The following RBFOX3 variants were observed in gnomAD, a reference collection of about 807,000 sequenced individuals.
The protein encoded by RBFOX3 is RNA binding protein fox-1 homolog 3.
Under a neutral mutation model 48.7 loss-of-function variants are expected in RBFOX3, and 17 were observed. The observed-to-expected ratio is 0.35, with a 90% confidence interval of 0.24 to 0.52. The LOEUF (loss-of-function observed/expected upper bound fraction) is 0.52. RBFOX3 is among the 20% of genes least tolerant of loss of function. RBFOX3 has a pLI of 0.94. For synonymous variants in RBFOX3, 212 were observed against 209.5 expected (o/e 1.01, Z -0.10); for missense variants, 382 against 497.5 (o/e 0.77, Z 2.21).
intron 1 of RBFOX3, among the ~76,000 whole-genome samples, chr17:79,545,797 G>A (rs367902280): frequency 5.9e-5 from 9 of 152,304 alleles, no homozygotes; most frequent in African/African-American, 1.9e-4. Context: ...CCACCAGGAC[G>A]GTTCCAGACA....
In RBFOX3 at chr17:79,230,421, G is replaced by A. The variant is rs149760555; in HGVS notation, c.-34+5345C>T. Among the ~76,000 whole-genome samples, 328 of 151,796 alleles carry A rather than the reference G, an allele frequency of 2.2e-3. 2 individuals carry two copies. Among genetic ancestry groups the A allele is most frequent in the African/African-American group, 6.2e-3 (255 of 41,404 alleles). ...ACTACAGTCACCCGCCACCATACCCGGCTAATTTTTTGTATTTTTAGTAGA... is the reference window on the plus strand; with the variant it reads ...ACTACAGTCACCCGCCACCATACCCAGCTAATTTTTTGTATTTTTAGTAGA... On this transcript the variant is annotated intron_variant, in intron 4 of 14. Transcript: ENST00000693108.
intron 2 of RBFOX3, among the ~76,000 whole-genome samples, chr17:79,420,337 A>G (rs2066104002): frequency 1.3e-5 from 2 of 152,304 alleles, no homozygotes; most frequent in South Asian, 2.1e-4. Context: ...TTGTTTATCT[A>G]CAAGTTTCTC....
intron 2 of RBFOX3, among the ~76,000 whole-genome samples, chr17:79,399,799 C>T (rs746659153): frequency 7.9e-5 from 12 of 152,222 alleles, no homozygotes; most frequent in African/African-American, 2.4e-5. Context: ...GACCCTCGGG[C>T]GCTCCCGTCT....
intron 9 of RBFOX3, among the ~76,000 whole-genome samples, chr17:79,100,638 G>T (rs1469515047): frequency 6.6e-6 from 1 of 152,178 alleles, no homozygotes; most frequent in Non-Finnish European, 1.5e-5. Context: ...AAAGTCCACG[G>T]CAACAGGGAG....
At chr17:79,498,092 C>T (rs906075194) in intron 1 of RBFOX3, among the ~76,000 whole-genome samples, 2 of 152,206 alleles carry the variant, frequency 1.3e-5, no homozygotes. Context: ...TTCTGACCAC[C>T]GCTTGCCCTG....
intron 4 of RBFOX3, among the ~76,000 whole-genome samples, chr17:79,149,890 G>C (rs2043937066): frequency 6.7e-6 from 1 of 148,414 alleles, no homozygotes; most frequent in African/African-American, 2.5e-5. Context: ...AGACAGGAGG[G>C]GGACAGGTGT....
Position 79,198,197 on chromosome 17 carries a change from C to T in RBFOX3, c.-34+37569G>A, listed in dbSNP as rs890859837. Among the ~76,000 whole-genome samples the T allele has an allele frequency of 6.6e-6, 1 of 152,124 alleles. No individual in the cohort carries two copies. Among genetic ancestry groups the T allele is most frequent in the African/African-American group, 2.4e-5 (1 of 41,414 alleles). On this transcript the variant is annotated intron_variant, in intron 4 of 14. Coordinates refer to ENST00000693108, the MANE Select transcript of RBFOX3 (RefSeq NM_001350451.2). The surrounding 1 kb of genome is among the most constrained non-coding windows in gnomAD (Gnocchi z 8.2). ...TGCTACGGTTGCATCGCTGGACCAT[C>T]CTCAACACTGGACCAGACCAGAAGG...
intron 2 of RBFOX3, among the ~76,000 whole-genome samples, chr17:79,457,716 G>A (rs1315113088): frequency 6.6e-6 from 1 of 152,236 alleles, no homozygotes; most frequent in Admixed American, 6.5e-5. Flanking sequence ...TCCCCGCGAT[G>A]TCCCTGCACA....
intron 2 of RBFOX3, among the ~76,000 whole-genome samples, chr17:79,455,673 C>T (rs1246085112): frequency 3.3e-5 from 5 of 152,170 alleles, no homozygotes; most frequent in Non-Finnish European, 7.4e-5. Context: ...ACACACACTT[C>T]CACAATCACA....
chr17:79,259,950 A>G (rs2065481720), intron 3 of RBFOX3, among the ~76,000 whole-genome samples: 1 of 152,022 alleles, frequency 6.6e-6, no homozygotes, highest in South Asian at 2.1e-4. Context: ...ATGTGAATCC[A>G]GTCAGGTGGG....
intron 4 of RBFOX3, among the ~76,000 whole-genome samples, chr17:79,211,958 G>A (rs1489469416): frequency 1.3e-5 from 2 of 152,116 alleles, no homozygotes; most frequent in Non-Finnish European, 2.9e-5. Context: ...TGAGACCCCT[G>A]CCCACAAGGA....
intron 2 of RBFOX3, among the ~76,000 whole-genome samples, chr17:79,401,204 C>T (rs894054710): frequency 5.9e-5 from 9 of 152,190 alleles, no homozygotes; most frequent in South Asian, 2.1e-4. Flanking sequence ...ATAAGAACTT[C>T]GGGGCTCCGC....
intron 2 of RBFOX3, among the ~76,000 whole-genome samples, chr17:79,351,186 C>T (rs11870711): frequency 0.12 from 17,699 of 152,214 alleles, 1,144 homozygotes; most frequent in East Asian, 0.21. Context: ...TTTGCTTCTA[C>T]GCTTTGGCTG....
chr17:79,643,443 T>C, the RBFOX3 span, among the ~76,000 whole-genome samples: 90 of 152,338 alleles, frequency 5.9e-4, no homozygotes, highest in African/African-American at 2.1e-3. Context: ...TTTGTCCTAA[T>C]AGCCATTTAT....
intron 3 of RBFOX3, among the ~76,000 whole-genome samples, chr17:79,283,881 G>C (rs1355005349): frequency 6.6e-6 from 1 of 152,014 alleles, no homozygotes; most frequent in African/African-American, 2.4e-5. Context: ...GCCTGTTTCA[G>C]TACTTATAAA....
intron 1 of RBFOX3, among the ~76,000 whole-genome samples, chr17:79,574,533 G>C (rs946011317): frequency 0.038 from 5,770 of 152,226 alleles, 178 homozygotes; most frequent in East Asian, 0.14. Context: ...AAGTTACCTT[G>C]TACCGTCTAA....
chr17:79,101,804 C>A (rs2076494870), intron 8 of RBFOX3, among the ~76,000 whole-genome samples, 160 bp from the exon 9 acceptor site: 1 of 152,148 alleles, frequency 6.6e-6, no homozygotes, highest in Non-Finnish European at 1.5e-5. Context: ...TTGGCCCCCA[C>A]TGCTCCCAGC....
intron 2 of RBFOX3, among the ~76,000 whole-genome samples, chr17:79,442,166 A>G (rs35693727): frequency 0.16 from 21,715 of 135,604 alleles, 2,317 homozygotes; most frequent in Admixed American, 0.18. Flanking sequence ...TCGGCCTCCA[A>G]CCACAGCTGC....
rs115074206 is a variant in RBFOX3 at position 79,431,336 on chromosome 17, G to A, written c.-175+51118C>T. On this transcript the variant is annotated intron_variant, in intron 2 of 14. Transcript: ENST00000693108. ...TGACCACATTTTCTTTTTTTGAGACGGAGTTTCACTCTTGTCCCCAAGGCT... is the reference window on the plus strand; with the variant it reads ...TGACCACATTTTCTTTTTTTGAGACAGAGTTTCACTCTTGTCCCCAAGGCT... 2.6e-3 allele frequency among the ~76,000 whole-genome samples: 400 copies of A among 152,132 alleles called. 3 individuals carry two copies. The highest frequency in any genetic ancestry group is 9.2e-3 in the African/African-American group (381 of 41,508).
Sources: allele counts gnomAD v4.1 joint callset (sites outside exome capture counted in the v4.1 genomes callset), GRCh38; gene constraint gnomAD v4.1.1; non-coding constraint Gnocchi (gnomAD v3.1); transcripts MANE v1.5; gene names NCBI Gene and HGNC (gene_info 2026-07-23, HGNC 2026-07-21).